Variants in NMNAT3 observed in about 807,000 individuals in gnomAD.
The protein encoded by NMNAT3 is nicotinamide nucleotide adenylyltransferase 3.
Under a neutral mutation model 24.8 loss-of-function variants are expected in NMNAT3, and 21 were observed. The ratio of observed to expected loss-of-function variants is 0.85; its 90% confidence interval spans 0.60 to 1.22. NMNAT3 has a LOEUF of 1.22. Among genes scored for constraint, NMNAT3 ranks in the 50% most tolerant of loss-of-function variants. The pLI is 0.00. For missense variants in NMNAT3, 387 were observed against 436.6 expected, an observed-to-expected ratio of 0.89 and a Z score of 1.01; for synonymous variants, 136 against 155.2, an observed-to-expected ratio of 0.88 and a Z score of 0.92.
intron 1 of NMNAT3, among the ~76,000 whole-genome samples, chr3:139,675,016 T>G (rs1417160111): frequency 5.9e-5 from 9 of 152,154 alleles, no homozygotes; most frequent in Admixed American, 5.9e-4. Flanking sequence ...AGCAATTTTA[T>G]CTGACTACAA....
intron 5 of NMNAT3, among the ~76,000 whole-genome samples, chr3:139,574,092 G>C (rs1048008288): frequency 6.6e-6 from 1 of 152,210 alleles, no homozygotes; most frequent in Admixed American, 6.5e-5. Context: ...CTACTTTTAG[G>C]CTCTTGTGAA....
chr3:139,659,367 A>G (rs2057344380), intron 1 of NMNAT3, among the ~76,000 whole-genome samples: 1 of 152,226 alleles, frequency 6.6e-6, no homozygotes, highest in Admixed American at 6.5e-5. Flanking sequence ...ATAGAAGATC[A>G]AAAAGCACAG....
intron 1 of NMNAT3, among the ~76,000 whole-genome samples, chr3:139,675,982 A>G (rs2057916267): frequency 1.3e-5 from 2 of 152,236 alleles, no homozygotes; most frequent in African/African-American, 2.4e-5. Context: ...CACAGAGCTG[A>G]GAAGTGCCAG....
chr3:139,593,223 A>G (rs1038290105), intron 3 of NMNAT3, among the ~76,000 whole-genome samples: 1 of 152,238 alleles, frequency 6.6e-6, no homozygotes, highest in Non-Finnish European at 1.5e-5. Context: ...GAGACAAAGA[A>G]GGCCATTACA....
rs570308008 is a variant in NMNAT3, at chr3:139,560,770, A to G, written c.*240T>C. 5 of 506,066 alleles carry G rather than the reference A, an allele frequency of 9.9e-6. No individual in the cohort carries two copies. Among genetic ancestry groups the G allele is most frequent in the East Asian group, 3.3e-5 (1 of 30,334 alleles). 31.3% of individuals were successfully genotyped at this position (506,066 alleles called of 1,614,324 possible). Reference sequence around the variant, plus strand: ...CTCTGAGAGATTCTGCCTAATCCTAATGACCTGCCACACCATTTTAACTTC... The same window carrying G: ...CTCTGAGAGATTCTGCCTAATCCTAGTGACCTGCCACACCATTTTAACTTC... On this transcript the variant is annotated 3_prime_UTR_variant, in exon 7 of 7. Coordinates refer to ENST00000643695, the MANE Select transcript of NMNAT3 (RefSeq NM_001320510.2).
At chr3:139,639,495 CCTT>C (rs2056624205) in intron 1 of NMNAT3, among the ~76,000 whole-genome samples, 1 of 152,168 alleles carries the variant, frequency 6.6e-6, no homozygotes, top group Non-Finnish European at 1.5e-5. Context: ...AAGATGATGT[CCTT>C]CTTTGGAGCA....
chr3:139,625,625 T>C, intron 3 of NMNAT3, among the ~76,000 whole-genome samples: 1 of 152,192 alleles, frequency 6.6e-6, no homozygotes, highest in East Asian at 1.9e-4. Flanking sequence ...ATTTTACTTC[T>C]ACATAGGTTA....
intron 4 of NMNAT3, chr3:139,582,823 G>T: frequency 1.7e-6 from 1 of 596,176 alleles, no homozygotes; most frequent in Non-Finnish European, 2.7e-6. Context: ...AAAATATATA[G>T]GTATTCAATG....
intron 1 of NMNAT3, among the ~76,000 whole-genome samples, chr3:139,667,360 A>T (rs1576791985): frequency 6.6e-6 from 1 of 151,988 alleles, no homozygotes. Flanking sequence ...GATGTTAGTG[A>T]TGTTGGGGAT....
intron 3 of NMNAT3, among the ~76,000 whole-genome samples, chr3:139,586,718 A>G (rs2053954535): frequency 6.6e-6 from 1 of 152,258 alleles, no homozygotes; most frequent in Non-Finnish European, 1.5e-5. Context: ...TTAAGTTCCA[A>G]AAGTTACTCT....
At chr3:139,624,312 T>G (rs1340393067) in intron 3 of NMNAT3, among the ~76,000 whole-genome samples, 2 of 152,194 alleles carry the variant, frequency 1.3e-5, no homozygotes, top group Non-Finnish European at 2.9e-5. Flanking sequence ...CTGTGACCCA[T>G]GAGTTTTTCA....
chr3:139,588,728 C>T (rs2054045241), intron 3 of NMNAT3, among the ~76,000 whole-genome samples: 1 of 152,202 alleles, frequency 6.6e-6, no homozygotes, highest in South Asian at 2.1e-4. Context: ...GTTATCCTCC[C>T]ATTGTGGCAG....
intron 3 of NMNAT3, among the ~76,000 whole-genome samples, chr3:139,611,829 A>C (rs1243512570): frequency 6.6e-6 from 1 of 152,200 alleles, no homozygotes; most frequent in African/African-American, 2.4e-5. Context: ...CAAGAGAACT[A>C]GTACTCTTCT....
chr3:139,563,538 C>T (rs295508), intron 6 of NMNAT3, among the ~76,000 whole-genome samples: 119,374 of 152,084 alleles, frequency 0.78, 47,235 homozygotes, highest in East Asian at 0.98. Context: ...ACAATGACAG[C>T]AAGGAATACT....
intron 3 of NMNAT3, among the ~76,000 whole-genome samples, chr3:139,589,681 G>T (rs980025776): frequency 1.3e-5 from 2 of 152,054 alleles, no homozygotes; most frequent in Non-Finnish European, 2.9e-5. Context: ...AGTTTTTATG[G>T]GCCACATACA....
At chr3:139,596,934 A>G (rs1314959875) in intron 3 of NMNAT3, among the ~76,000 whole-genome samples, 4,567 of 44,842 alleles carry the variant, frequency 0.1, 245 homozygotes, top group East Asian at 0.19. Context: ...ATATATATAT[A>G]TATATATATA....
chr3:139,612,108 G>A (rs1053426323), intron 3 of NMNAT3, among the ~76,000 whole-genome samples: 4 of 151,364 alleles, frequency 2.6e-5, no homozygotes, highest in East Asian at 2.0e-4. Flanking sequence ...CAGAAGTTGC[G>A]GTGAGCCGAG....
chr3:139,645,409 C>T (rs1434715858), intron 1 of NMNAT3, among the ~76,000 whole-genome samples: 1 of 152,134 alleles, frequency 6.6e-6, no homozygotes, highest in Non-Finnish European at 1.5e-5. Context: ...ACTTGTCTCT[C>T]ATAAAATGAA....
intron 3 of NMNAT3, among the ~76,000 whole-genome samples, chr3:139,616,291 TTCTGTCTTCTGTGACAG>T (rs1227892087): frequency 6.6e-6 from 1 of 152,214 alleles, no homozygotes; most frequent in Non-Finnish European, 1.5e-5. Context: ...CCTTCATCTT[TTCTGTCTTCTGTGACAG>T]AAACTACTCT....
Sources: gnomAD v4.1 joint callset for allele counts (sites outside exome capture counted in the v4.1 genomes callset) on GRCh38, gnomAD v4.1.1 for gene constraint, MANE v1.5 for transcripts, NCBI Gene and HGNC (gene_info 2026-07-23, HGNC 2026-07-21) for gene names.